Variants in MARCHF4 observed in about 807,000 individuals in gnomAD.
The protein encoded by MARCHF4 is membrane associated ring-CH-type finger 4, also known as E3 ubiquitin-protein ligase MARCHF4.
In MARCHF4, 14 loss-of-function variants were observed where a neutral mutation model predicts 43.9. That is an observed-to-expected ratio of 0.32 (90% CI 0.21 to 0.50). MARCHF4 has a LOEUF of 0.50. MARCHF4 is among the 20% of genes least tolerant of loss of function. The pLI is 0.98. For synonymous variants in MARCHF4, 226 were observed against 213.3 expected (o/e 1.06, Z -0.52); for missense variants, 468 against 536.7 (o/e 0.87, Z 1.27).
intron 1 of MARCHF4, among the ~76,000 whole-genome samples, chr2:216,334,383 C>T (rs1026101513): frequency 2.0e-5 from 3 of 152,098 alleles, no homozygotes; most frequent in African/African-American, 7.2e-5. Context: ...TTCCCTAGGG[C>T]CTCCAGAAAG....
At chr2:216,326,740 T>C (rs1691998896) in intron 1 of MARCHF4, among the ~76,000 whole-genome samples, 1 of 148,658 alleles carries the variant, frequency 6.7e-6, no homozygotes, top group Non-Finnish European at 1.5e-5. Context: ...ATATTCTCAC[T>C]CATAGGTGGG....
chr2:216,314,693 A>G (rs1472431284), intron 1 of MARCHF4, among the ~76,000 whole-genome samples: 1 of 152,194 alleles, frequency 6.6e-6, no homozygotes, highest in Non-Finnish European at 1.5e-5. Flanking sequence ...GACCAGGGTT[A>G]GGGAAACCTC....
Position 216,294,263 on chromosome 2 carries a change from C to A in MARCHF4, c.517-10534G>T, listed in dbSNP as rs1464595433. ...ACTCTTGCCTCTTACGAGCAGCCTT[C>A]CGTACACAGGCAGAGGGATCCCAGC... On this transcript the variant is annotated intron_variant, in intron 1 of 3. Coordinates refer to ENST00000273067, the MANE Select transcript of MARCHF4 (RefSeq NM_020814.3). 2.0e-5 allele frequency among the ~76,000 whole-genome samples: 3 copies of A among 152,272 alleles called. No individual in the cohort carries two copies. The East Asian group carries it at 5.8e-4, about 29-fold the overall frequency.
rs1692754832 is a variant in MARCHF4 at position 216,371,233 on chromosome 2, G to A, written c.-973C>T. 1 of 152,726 alleles carries A rather than the reference G, an allele frequency of 6.5e-6. No homozygotes were observed. The highest frequency in any genetic ancestry group is 6.5e-5 in the Admixed American group (1 of 15,280). 9.5% of individuals were successfully genotyped at this position (152,726 alleles called of 1,614,324 possible). A position where few individuals can be genotyped will look rare whatever the true frequency, so the allele number is the denominator to read the frequency against. On this transcript the variant is annotated 5_prime_UTR_variant, in exon 1 of 4. Transcript: ENST00000273067. ...GCAGAGAATAGGGGTAGAGGAGAGG[G>A]GCGTGTGGGAGAGAACAGGAGAAAG...
intron 1 of MARCHF4, among the ~76,000 whole-genome samples, chr2:216,316,596 G>A (rs1691781503): frequency 6.6e-6 from 1 of 152,050 alleles, no homozygotes; most frequent in African/African-American, 2.4e-5. Context: ...CAGAAGAACT[G>A]AGGCACAAAA....
chr2:216,347,482 T>C (rs191142782), intron 1 of MARCHF4, among the ~76,000 whole-genome samples: 71 of 152,294 alleles, frequency 4.7e-4, no homozygotes, highest in African/African-American at 1.5e-3. Context: ...TTTCTCTTTA[T>C]CCAGAGAGTA....
chr2:216,354,959 CTTTCTTTCTTTCTT>C (rs1553519469), intron 1 of MARCHF4, among the ~76,000 whole-genome samples: 2 of 135,224 alleles, frequency 1.5e-5, no homozygotes, highest in African/African-American at 5.9e-5. Flanking sequence ...TTCTTTCTTT[CTTTCTTTCTTTCTT>C]TCTTTCTTTC....
intron 2 of MARCHF4, among the ~76,000 whole-genome samples, chr2:216,278,093 G>T (rs1243847683): frequency 5.3e-5 from 8 of 152,182 alleles, no homozygotes. Flanking sequence ...GTAAGGAGGG[G>T]GCTCTAGGTG....
chr2:216,266,228 C>T (rs944457267), intron 3 of MARCHF4: 2 of 152,186 alleles, frequency 1.3e-5, no homozygotes, highest in African/African-American at 4.8e-5. Flanking sequence ...AAGGGACTTC[C>T]TCTCTCTGAG....
At chr2:216,280,362 TGC>T (rs1432401635) in intron 2 of MARCHF4, among the ~76,000 whole-genome samples, 4 of 151,952 alleles carry the variant, frequency 2.6e-5, no homozygotes, top group Non-Finnish European at 2.9e-5. Flanking sequence ...GAATGCTGTG[TGC>T]CTTAGAACAG....
intron 3 of MARCHF4, among the ~76,000 whole-genome samples, chr2:216,271,571 C>T (rs1415724560): frequency 6.6e-6 from 1 of 152,142 alleles, no homozygotes; most frequent in Non-Finnish European, 1.5e-5. Flanking sequence ...GGGAACAAAA[C>T]AAGGCAGCCA....
At chr2:216,348,947 A>T (rs757756412) in intron 1 of MARCHF4, among the ~76,000 whole-genome samples, 4 of 152,014 alleles carry the variant, frequency 2.6e-5, no homozygotes, top group Admixed American at 6.5e-5. Flanking sequence ...ATTGTTGTTT[A>T]TCCTTGGCCT....
chr2:216,316,562 G>A (rs978029807), intron 1 of MARCHF4, among the ~76,000 whole-genome samples: 8 of 152,148 alleles, frequency 5.3e-5, no homozygotes, highest in Non-Finnish European at 8.8e-5. Context: ...AATGGGGGGC[G>A]GGAGAGGGGT....
intron 1 of MARCHF4, among the ~76,000 whole-genome samples, chr2:216,289,632 T>G (rs1436904541): frequency 6.6e-6 from 1 of 152,230 alleles, no homozygotes; most frequent in Non-Finnish European, 1.5e-5. Context: ...GTCTTGCTTC[T>G]GGAGTCCCTA....
intron 3 of MARCHF4, among the ~76,000 whole-genome samples, chr2:216,267,140 G>A (rs1370803239): frequency 6.6e-6 from 1 of 152,038 alleles, no homozygotes; most frequent in Non-Finnish European, 1.5e-5. Context: ...GATGGCTAAC[G>A]GTCCACTAAA....
chr2:216,281,939 C>A (rs1402349095), intron 2 of MARCHF4, among the ~76,000 whole-genome samples: 3 of 152,108 alleles, frequency 2.0e-5, no homozygotes, highest in Non-Finnish European at 4.4e-5. Context: ...TCCCTAAATG[C>A]ATTTTCACTT....
intron 1 of MARCHF4, among the ~76,000 whole-genome samples, chr2:216,289,264 A>T (rs1414856128): frequency 8.0e-6 from 1 of 124,754 alleles, no homozygotes; most frequent in Non-Finnish European, 1.6e-5. Flanking sequence ...CTGCCCATAG[A>T]GACTCAAAGT....
chr2:216,319,587 C>T (rs1032421763), intron 1 of MARCHF4, among the ~76,000 whole-genome samples: 1 of 152,050 alleles, frequency 6.6e-6, no homozygotes, highest in Non-Finnish European at 1.5e-5. Context: ...ATTATTCATG[C>T]CCTATAGAGA....
chr2:216,334,331 A>G (rs1336038957), intron 1 of MARCHF4, among the ~76,000 whole-genome samples: 2 of 152,326 alleles, frequency 1.3e-5, no homozygotes, highest in East Asian at 3.9e-4. Flanking sequence ...ATCACAGGGA[A>G]TTGAGTTCTG....
Sources: allele counts gnomAD v4.1 joint callset (sites outside exome capture counted in the v4.1 genomes callset), GRCh38; gene constraint gnomAD v4.1.1; transcripts MANE v1.5; gene names NCBI Gene and HGNC (gene_info 2026-07-23, HGNC 2026-07-21).